The following TYW1B variants were observed in gnomAD, a reference collection of about 807,000 sequenced individuals.
TYW1B encodes S-adenosyl-L-methionine-dependent tRNA 4-demethylwyosine synthase TYW1B.
Under a neutral mutation model 86.9 loss-of-function variants are expected in TYW1B, and 73 were observed. The observed-to-expected ratio is 0.84, with a 90% confidence interval of 0.70 to 1.02. TYW1B has a LOEUF of 1.02. TYW1B is among the 50% of genes least tolerant of loss of function. The pLI, the probability that TYW1B is intolerant of heterozygous loss-of-function variation, is 0.00. For missense variants in TYW1B, 637 were observed against 827.4 expected (o/e 0.77, Z 2.82); for synonymous variants, 248 against 292.8 (o/e 0.85, Z 1.56).
chr7:72,670,050 G>C (rs1208265929), intron 11 of TYW1B, among the ~76,000 whole-genome samples: 19 of 152,180 alleles, frequency 1.2e-4, no homozygotes, highest in African/African-American at 4.3e-4. Context: ...AGGATTGTTT[G>C]AGCCCAGGGG....
intron 11 of TYW1B, among the ~76,000 whole-genome samples, chr7:72,647,766 C>A (rs1418726510): frequency 1.3e-5 from 2 of 152,050 alleles, no homozygotes; most frequent in African/African-American, 4.8e-5. Context: ...CTCACTGCAG[C>A]CTCGACTTCC....
At chr7:72,825,084 CAG>C (rs3973849) in intron 2 of TYW1B, among the ~76,000 whole-genome samples, 15 of 134,964 alleles carry the variant, frequency 1.1e-4, no homozygotes, top group Admixed American at 8.3e-4. Context: ...GCCTGGGCAA[CAG>C]AGAGACCCTG....
Position 72,676,811 on chromosome 7 carries a change from T to C in TYW1B, c.1506+17876A>G, listed in dbSNP as rs370132892. Among the ~76,000 whole-genome samples, 90 of 152,032 alleles carry C rather than the reference T, an allele frequency of 5.9e-4. 4 individuals carry two copies. In the East Asian group the frequency reaches 0.011, roughly 18 times the overall value. The stretch of plus-strand genomic sequence containing the variant: ...CCATCTCTACTAAAATACAAAAAAA[T>C]AGCCAGTGTGGTGGCATGTGCCTGT... On this transcript the variant is annotated intron_variant, in intron 11 of 13. Transcript: ENST00000620995.
intron 13 of TYW1B, among the ~76,000 whole-genome samples, chr7:72,593,617 T>C (rs1441828208): frequency 6.6e-6 from 1 of 151,882 alleles, no homozygotes; most frequent in Non-Finnish European, 1.5e-5. Flanking sequence ...GGTCAGGAGA[T>C]CGAGACCATC....
At chr7:72,701,939 C>T (rs1814486462) in intron 10 of TYW1B, among the ~76,000 whole-genome samples, 1 of 152,204 alleles carries the variant, frequency 6.6e-6, no homozygotes, top group African/African-American at 2.4e-5. Flanking sequence ...CCTGCTTACT[C>T]GGTAAGAACC....
At chr7:72,593,369 G>C (rs1395296221) in intron 13 of TYW1B, among the ~76,000 whole-genome samples, 18 of 151,852 alleles carry the variant, frequency 1.2e-4, no homozygotes, top group Non-Finnish European at 1.5e-4. Context: ...CAGGCACACA[G>C]AACACTGTAC....
chr7:72,826,469 A>T (rs1788930398), intron 2 of TYW1B, among the ~76,000 whole-genome samples: 1 of 152,200 alleles, frequency 6.6e-6, no homozygotes, highest in Non-Finnish European at 1.5e-5. Context: ...ATTCCCTCCA[A>T]GAAAAAACTT....
rs554172239 is a variant in TYW1B, at chr7:72,595,637, C to T, written c.1786-19918G>A. On this transcript the variant is annotated intron_variant, in intron 13 of 13. Transcript: ENST00000620995. The stretch of plus-strand genomic sequence containing the variant: ...GGTGGAAGTAGCACCAAGTTGAGAC[C>T]GTGCCACTGCACTAGAGCCTGAGCA... 6.3e-4 allele frequency among the ~76,000 whole-genome samples: 96 copies of T among 151,988 alleles called. No individual in the cohort carries two copies. In the Middle Eastern group the frequency reaches 0.014, roughly 22 times the overall value.
chr7:72,606,852 C>T (rs1330600549), intron 13 of TYW1B, among the ~76,000 whole-genome samples: 1 of 152,108 alleles, frequency 6.6e-6, no homozygotes, highest in Non-Finnish European at 1.5e-5. Context: ...CCCCACAGTG[C>T]AGTGTCAAAG....
intron 11 of TYW1B, among the ~76,000 whole-genome samples, chr7:72,676,899 A>G (rs374620522): frequency 6.6e-6 from 1 of 152,072 alleles, no homozygotes; most frequent in Non-Finnish European, 1.5e-5. Flanking sequence ...CGGAGGTTGC[A>G]GTGTGCTAAG....
At chr7:72,576,734 G>A (rs1380635575) in intron 13 of TYW1B, among the ~76,000 whole-genome samples, 7 of 151,902 alleles carry the variant, frequency 4.6e-5, no homozygotes, top group East Asian at 2.0e-4. Context: ...GGATGGTCTC[G>A]ATCTCCTAAC....
At chr7:72,684,384 T>C (rs1298987793) in intron 11 of TYW1B, among the ~76,000 whole-genome samples, 1 of 152,140 alleles carries the variant, frequency 6.6e-6, no homozygotes, top group Non-Finnish European at 1.5e-5. Flanking sequence ...TTTCAACTTC[T>C]ACCCAGAAAC....
At chr7:72,595,353 T>C (rs1292003178) in intron 13 of TYW1B, among the ~76,000 whole-genome samples, 1 of 151,908 alleles carries the variant, frequency 6.6e-6, no homozygotes, top group East Asian at 1.9e-4. Flanking sequence ...TAATGAACAA[T>C]CTGAAAAGAA....
chr7:72,616,290 G>A (rs1585850174), intron 13 of TYW1B, among the ~76,000 whole-genome samples: 1 of 152,198 alleles, frequency 6.6e-6, no homozygotes, highest in Non-Finnish European at 1.5e-5. Context: ...AAATTTGATA[G>A]ATACCTCAAT....
chr7:72,825,273 AAAAG>A (rs1421923069), intron 2 of TYW1B, among the ~76,000 whole-genome samples: 1 of 152,176 alleles, frequency 6.6e-6, no homozygotes, highest in Non-Finnish European at 1.5e-5. Context: ...TCCCCCCCAA[AAAAG>A]AGAGAATGGG....
At chr7:72,594,741 A>G (rs1811486396) in intron 13 of TYW1B, among the ~76,000 whole-genome samples, 1 of 152,200 alleles carries the variant, frequency 6.6e-6, no homozygotes, top group Non-Finnish European at 1.5e-5. Flanking sequence ...GAATACTGAC[A>G]CAAAAATCCT....
At chr7:72,577,039 A>G (rs2129567489) in intron 13 of TYW1B, among the ~76,000 whole-genome samples, 1 of 152,110 alleles carries the variant, frequency 6.6e-6, no homozygotes, top group South Asian at 2.1e-4. Flanking sequence ...AGGCAGGAGA[A>G]TCACTTGAAC....
At chr7:72,779,195 T>C (rs1788006572) in intron 6 of TYW1B, among the ~76,000 whole-genome samples, 1 of 152,236 alleles carries the variant, frequency 6.6e-6, no homozygotes, top group East Asian at 1.9e-4. Flanking sequence ...AATAAGTGAA[T>C]GGACTCACTG....
At chr7:72,803,945 GT>G (rs782757141) in intron 5 of TYW1B, among the ~76,000 whole-genome samples, 24 of 151,912 alleles carry the variant, frequency 1.6e-4, no homozygotes, top group Non-Finnish European at 2.6e-4. Flanking sequence ...TGAAGTAGTT[GT>G]TTGTTTTCAA....
Sources: allele counts gnomAD v4.1 joint callset (sites outside exome capture counted in the v4.1 genomes callset), GRCh38; gene constraint gnomAD v4.1.1; transcripts MANE v1.5; gene names NCBI Gene and HGNC (gene_info 2026-07-23, HGNC 2026-07-21).